The following STUB1 variants were observed in gnomAD, a reference collection of about 807,000 sequenced individuals.
STUB1 encodes the protein E3 ubiquitin-protein ligase CHIP.
A neutral mutation model predicts 40.3 loss-of-function variants in STUB1; 37 were observed. The ratio of observed to expected loss-of-function variants is 0.92; its 90% CI spans 0.71 to 1.21. STUB1 has a LOEUF of 1.21. Among genes scored for constraint, STUB1 ranks in the 50% most tolerant of loss-of-function variants. STUB1 has a pLI of 0.00. For missense variants in STUB1, 460 were observed against 421.9 expected, an observed-to-expected ratio of 1.09 and a Z score of -0.79; for synonymous variants, 246 against 171.9, an observed-to-expected ratio of 1.43 and a Z score of -3.37.
chr16:682,074 A>G lies in STUB1; in HGVS notation c.667A>G (p.Lys223Glu), dbSNP rs1269872215. The G allele has an allele frequency of 6.3e-7, 1 of 1,582,654 alleles. No individual in the cohort carries two copies. Among genetic ancestry groups the G allele is most frequent in the Admixed American group, 1.7e-5 (1 of 58,806 alleles). ...ELFSQVDEKRKKRDIPDYLCG... is the reference protein window; with the variant it reads ...ELFSQVDEKREKRDIPDYLCG... ...TTTTTCTCAGGTGGATGAGAAGAGG[A>G]AGGTGAGTGTGTGTCGCTTGCTGCC... The change falls in exon 5 of 7, where the codon AAG becomes GAG. Residue 223 changes from lysine (K) to glutamate (E), a missense_variant and splice_region_variant. Transcript: ENST00000219548.
chr16:681,704 T>G (rs2039660050), intron 3 of STUB1, 89 bp from the exon 4 acceptor site: 1 of 1,551,186 alleles, frequency 6.4e-7, no homozygotes, highest in Non-Finnish European at 8.7e-7. Flanking sequence ...GCAGGAAATG[T>G]GGGGAAGTGT....
rs762182388 is a variant in STUB1 at position 682,533 on chromosome 16, G to C, written c.*44G>C. 6.2e-7 allele frequency: 1 copy of C among 1,610,990 alleles called. No homozygotes were observed. Among genetic ancestry groups the C allele is most frequent in the Non-Finnish European group, 8.5e-7 (1 of 1,178,836 alleles). On this transcript the variant is annotated 3_prime_UTR_variant, in exon 7 of 7. Coordinates refer to ENST00000219548, the MANE Select transcript of STUB1 (RefSeq NM_005861.4). Reference sequence around the variant, plus strand: ...GCGTCCTGGTCCAGGGGAGCCCTGGGCAGAAGCCCCCGGCCCCTATACATA... The same window carrying C: ...GCGTCCTGGTCCAGGGGAGCCCTGGCCAGAAGCCCCCGGCCCCTATACATA...
In STUB1 at chr16:680,560, G is replaced by C. The variant is rs1344117901; in HGVS notation, c.35G>C (p.Arg12Pro). 1.7e-5 allele frequency: 23 copies of C among 1,368,736 alleles called. No homozygotes were observed. The highest frequency in any genetic ancestry group is 2.2e-5 in the Non-Finnish European group (23 of 1,051,142). The allele number at this position is 1,368,736 out of a possible 1,614,324, so 84.8% of individuals were successfully genotyped here. A position where few individuals can be genotyped will look rare whatever the true frequency, so the allele number is the denominator to read the frequency against. Reference sequence around the variant, plus strand: ...AAGGAGGAGAAGGAGGGCGGCGCACGGCTGGGCGCTGGCGGCGGAAGCCCC... The same window carrying C: ...AAGGAGGAGAAGGAGGGCGGCGCACCGCTGGGCGCTGGCGGCGGAAGCCCC... ...KGKEEKEGGA[R>P]LGAGGGSPEK... is the part of the protein sequence containing the mutation. The change falls in exon 1 of 7, where the codon CGG (arginine) becomes CCG (proline). Residue 12 changes from arginine (R) to proline (P), a missense_variant. Arg to Pro is a moderately radical substitution (Grantham distance 103, BLOSUM62 -2). Transcript: ENST00000219548. The surrounding 1 kb of genome is among the most constrained non-coding windows in gnomAD (Gnocchi z 4.9).
In STUB1 at chr16:681,325, T is replaced by A; in HGVS notation, c.333T>A (p.Asp111Glu). Residue 111 changes from aspartate (D) to glutamate (E), a missense_variant, in exon 2 of 7, where the codon GAT (aspartate) becomes GAA (glutamate). Coordinates refer to ENST00000219548, the MANE Select transcript of STUB1 (RefSeq NM_005861.4). The stretch of plus-strand genomic sequence containing the variant: ...GCCAGCTGGAGATGGAGAGCTATGA[T>A]GAGGCCATCGCCAATCTGCAGCGAG... Reference protein sequence around the residue: ...GQCQLEMESYDEAIANLQRAY... With the variant: ...GQCQLEMESYEEAIANLQRAY... The A allele has an allele frequency of 6.2e-7, 1 of 1,612,900 alleles. No individual in the cohort carries two copies. The highest frequency in any genetic ancestry group is 8.5e-7 in the Non-Finnish European group (1 of 1,179,978).
Position 682,555 on chromosome 16 carries a change from C to A in STUB1, c.*66C>A. ...TGGGCAGAAGCCCCCGGCCCCTATA[C>A]ATAGTTTATGTTCCTGGCCACCCCG... On this transcript the variant is annotated 3_prime_UTR_variant, in exon 7 of 7. Coordinates refer to ENST00000219548, the MANE Select transcript of STUB1 (RefSeq NM_005861.4). The A allele has an allele frequency of 6.2e-7, 1 of 1,600,432 alleles. No homozygotes were observed.
Position 682,454 on chromosome 16 carries a change from T to C in STUB1, c.877T>C (p.Phe293Leu). 1.2e-6 allele frequency: 2 copies of C among 1,613,482 alleles called. No homozygotes were observed. The highest frequency in any genetic ancestry group is 8.5e-7 in the Non-Finnish European group (1 of 1,180,010). The change falls in exon 7 of 7, where the codon TTC (phenylalanine) becomes CTC (leucine). Residue 293 changes from phenylalanine to leucine, a missense_variant. Transcript: ENST00000219548. ...NLAMKEVIDA[F>L]ISENGWVEDY is the part of the protein sequence containing the mutation. ...GGCTATGAAGGAGGTTATTGACGCA[T>C]TCATCTCTGAGAATGGCTGGGTGGA... is the stretch of plus-strand genomic sequence containing the variant.
At position 682,297 on chromosome 16, in the gene STUB1, G is replaced by C. The variant is rs755293771; in HGVS notation, c.786+16G>C. On this transcript the variant is annotated intron_variant, in intron 6 of 6. Transcript: ENST00000219548. ...GCACCTGCAGGTGAGGCCTGCGGCT[G>C]GGGGAGCAGGGCCAGTGGCATGGTC... 3 of 1,612,438 alleles carry C rather than the reference G, an allele frequency of 1.9e-6. No homozygotes were observed. Among genetic ancestry groups the C allele is most frequent in the Non-Finnish European group, 2.5e-6 (3 of 1,179,740 alleles).
At position 682,660 on chromosome 16, in the gene STUB1, C is replaced by A. The variant is rs2039720776; in HGVS notation, c.*171C>A. 2 of 1,407,276 alleles carry A rather than the reference C, an allele frequency of 1.4e-6. No individual in the cohort carries two copies. The highest frequency in any genetic ancestry group is 1.9e-6 in the Non-Finnish European group (2 of 1,027,388). 87.2% of individuals were successfully genotyped at this position (1,407,276 alleles called of 1,614,324 possible). On this transcript the variant is annotated 3_prime_UTR_variant, in exon 7 of 7. Transcript: ENST00000219548. ...CGCTTTTGCTGGGCCGTGATCGTCCCCCTTTGTGGGCTGGAAAAGCAGGTG... is the reference window on the plus strand; with the variant it reads ...CGCTTTTGCTGGGCCGTGATCGTCCACCTTTGTGGGCTGGAAAAGCAGGTG...
chr16:682,361 C>T lies in STUB1; in HGVS notation c.787-3C>T. ...CTGCCCTCTGCCCTTCTTGTCACTG[C>T]AGCGTGTGGGTCATTTTGACCCCGT... On this transcript the variant is annotated splice_region_variant and splice_polypyrimidine_tract_variant and intron_variant, in intron 6 of 6. Coordinates refer to ENST00000219548, the MANE Select transcript of STUB1 (RefSeq NM_005861.4). 1 of 1,613,178 alleles carries T rather than the reference C, an allele frequency of 6.2e-7. No individual in the cohort carries two copies. The highest frequency in any genetic ancestry group is 8.5e-7 in the Non-Finnish European group (1 of 1,179,996).
rs2039720776 is a variant in STUB1 at position 682,660 on chromosome 16, C to T, written c.*171C>T. 7.1e-7 allele frequency: 1 copy of T among 1,407,276 alleles called. No individual in the cohort carries two copies. The highest frequency in any genetic ancestry group is 9.7e-7 in the Non-Finnish European group (1 of 1,027,388). 87.2% of individuals were successfully genotyped at this position (1,407,276 alleles called of 1,614,324 possible). On this transcript the variant is annotated 3_prime_UTR_variant, in exon 7 of 7. Transcript: ENST00000219548. ...CGCTTTTGCTGGGCCGTGATCGTCC[C>T]CCTTTGTGGGCTGGAAAAGCAGGTG...
rs199785249 is a variant in STUB1, at chr16:682,545, G to C, written c.*56G>C. ...AGGGGAGCCCTGGGCAGAAGCCCCC[G>C]GCCCCTATACATAGTTTATGTTCCT... On this transcript the variant is annotated 3_prime_UTR_variant, in exon 7 of 7. Transcript: ENST00000219548. 2.5e-6 allele frequency: 4 copies of C among 1,607,592 alleles called. No individual in the cohort carries two copies. Among genetic ancestry groups the C allele is most frequent in the Non-Finnish European group, 8.5e-7 (1 of 1,177,058 alleles).
chr16:682,111 G>A (rs750256493), intron 5 of STUB1, 35 bp downstream of exon 5: 5 of 1,583,776 alleles, frequency 3.2e-6, no homozygotes, highest in Non-Finnish European at 3.5e-6. Context: ...ATGGCTGGCA[G>A]GTGCTCGTGC....
rs764028915 is a variant in STUB1, at chr16:681,974, G to A, written c.613-46G>A. On this transcript the variant is annotated intron_variant, in intron 4 of 6. Coordinates refer to ENST00000219548, the MANE Select transcript of STUB1 (RefSeq NM_005861.4). Reference sequence around the variant, plus strand: ...TGTTGGGTCTGTGCCCCATGGAGGAGGGAGGTGGGGTGTCTCCCCCAAGCA... The same window carrying A: ...TGTTGGGTCTGTGCCCCATGGAGGAAGGAGGTGGGGTGTCTCCCCCAAGCA... 17 of 1,612,476 alleles carry A rather than the reference G, an allele frequency of 1.1e-5. No homozygotes were observed. The South Asian group carries it at 1.6e-4, about 16-fold the overall frequency.
At position 682,039 on chromosome 16, in the gene STUB1, T is replaced by C. The variant is rs1481222863; in HGVS notation, c.632T>C (p.Met211Thr). 1 of 1,590,498 alleles carries C rather than the reference T, an allele frequency of 6.3e-7. No individual in the cohort carries two copies. Among genetic ancestry groups the C allele is most frequent in the South Asian group, 1.1e-5 (1 of 89,384 alleles). Residue 211 changes from methionine (M) to threonine (T), a missense_variant, in exon 5 of 7, where the codon ATG becomes ACG. Transcript: ENST00000219548. ...TCACAGGACAAGTACATGGCGGACA[T>C]GGACGAGCTTTTTTCTCAGGTGGAT... ...EAKHDKYMAD[M>T]DELFSQVDEK... is the part of the protein sequence containing the mutation.
intron 1 of STUB1, 139 bp from the exon 2 acceptor site, chr16:681,013 C>T: frequency 1.1e-6 from 1 of 893,092 alleles, no homozygotes. Context: ...TGCACAGATC[C>T]TTGGACCCAG....
chr16:682,402 G>A lies in STUB1; in HGVS notation c.825G>A (p.Leu275=). Residue 275 remains leucine (L), a synonymous_variant, in exon 7 of 7, where the codon CTG becomes CTA. Transcript: ENST00000219548. ...TTGACCCCGTGACCCGGAGCCCCCT[G>A]ACCCAGGAACAGCTCATCCCCAACT... ...GHFDPVTRSP[L]TQEQLIPNLA... 4 of 1,613,362 alleles carry A rather than the reference G, an allele frequency of 2.5e-6. No individual in the cohort carries two copies. The highest frequency in any genetic ancestry group is 3.4e-6 in the Non-Finnish European group (4 of 1,180,002).
Position 682,457 on chromosome 16 carries a change from A to G in STUB1, c.880A>G (p.Ile294Val), listed in dbSNP as rs1356190007. ...LAMKEVIDAF[I>V]SENGWVEDY ...TATGAAGGAGGTTATTGACGCATTC[A>G]TCTCTGAGAATGGCTGGGTGGAGGA... The change falls in exon 7 of 7, where the codon ATC (isoleucine) becomes GTC (valine). Residue 294 changes from isoleucine to valine, a missense_variant. Ile to Val is a conservative substitution (Grantham distance 29). Transcript: ENST00000219548. The G allele has an allele frequency of 1.9e-6, 3 of 1,613,324 alleles. No homozygotes were observed. The highest frequency in any genetic ancestry group is 1.3e-5 in the African/African-American group (1 of 74,924).
rs1270705974 is a variant in STUB1, at chr16:682,010, C to G, written c.613-10C>G. The G allele has an allele frequency of 6.2e-7, 1 of 1,608,324 alleles. No homozygotes were observed. The highest frequency in any genetic ancestry group is 1.7e-5 in the Admixed American group (1 of 59,774). On this transcript the variant is annotated splice_polypyrimidine_tract_variant and intron_variant, in intron 4 of 6. Transcript: ENST00000219548. ...TGTCTCCCCCAAGCACAGCACTCAA[C>G]TCTTCACAGGACAAGTACATGGCGG...
intron 4 of STUB1, 53 bp downstream of exon 4, chr16:681,933 G>C (rs41292279): frequency 3.1e-6 from 5 of 1,611,770 alleles, no homozygotes; most frequent in Non-Finnish European, 4.2e-6. Flanking sequence ...CGTGGCGTGG[G>C]AGCATCCCCG....
Sources: allele counts gnomAD v4.1 joint callset, GRCh38; gene constraint gnomAD v4.1.1; non-coding constraint Gnocchi (gnomAD v3.1); transcripts MANE v1.5; gene names NCBI Gene and HGNC (gene_info 2026-07-23, HGNC 2026-07-21).